PRG4: variants seen among roughly 807,000 people sequenced by gnomAD.
PRG4 encodes the protein articular superficial zone protein.
A neutral mutation model predicts 91.2 loss-of-function variants in PRG4; 61 were observed. That is an observed-to-expected ratio of 0.67 (90% CI 0.54 to 0.83). PRG4 has a LOEUF of 0.83. Among genes scored for constraint, PRG4 ranks in the 40% least tolerant of loss-of-function variants. The probability of loss-of-function intolerance (pLI) is 0.00; values close to 1 mark genes in which losing one functional copy is unlikely to be tolerated. For synonymous variants in PRG4, 576 were observed against 614.2 expected, an observed-to-expected ratio of 0.94 and a Z score of 0.92; for missense variants, 1,564 against 1,714.2, an observed-to-expected ratio of 0.91 and a Z score of 1.55.
At position 186,306,843 on chromosome 1, in the gene PRG4, C is replaced by T. The variant is rs1264632351; in HGVS notation, c.1124C>T (p.Pro375Leu). Residue 375 changes from proline to leucine, a missense_variant, in exon 7 of 13, where the codon CCC becomes CTC. By Grantham distance (98) the Pro-to-Leu change is moderately conservative. Transcript: ENST00000445192. ...ACACCTACCACCATCAAGTCTGCAC[C>T]CACCACCCCCAAGGAGCCTGCACCC... is the stretch of plus-strand genomic sequence containing the variant. Reference protein sequence around the residue: ...EPTPTTIKSAPTTPKEPAPTT... With the variant: ...EPTPTTIKSALTTPKEPAPTT... The T allele has an allele frequency of 1.2e-6, 2 of 1,612,106 alleles. No homozygotes were observed. Among genetic ancestry groups the T allele is most frequent in the East Asian group, 4.5e-5 (2 of 44,742 alleles).
chr1:186,306,771 C>G lies in PRG4; in HGVS notation c.1052C>G (p.Thr351Arg). The G allele has an allele frequency of 6.2e-7, 1 of 1,613,016 alleles. No individual in the cohort carries two copies. Among genetic ancestry groups the G allele is most frequent in the Non-Finnish European group, 8.5e-7 (1 of 1,179,496 alleles). The part of the protein sequence containing the change: ...GPALTTPKEP[T>R]PTTPKEPAST... ...GCTCTCACCACTCCCAAGGAGCCCA[C>G]GCCCACCACTCCCAAGGAGCCTGCA... The change falls in exon 7 of 13, where the codon ACG becomes AGG. Residue 351 changes from threonine (T) to arginine (R), a missense_variant. By Grantham distance (71) the Thr-to-Arg change is moderately conservative. This residue lies in a region of PRG4 where 437 missense variants were observed against 459.0 expected (regional missense o/e 0.95). Transcript: ENST00000445192.
At chr1:186,304,394 CTT>C in intron 5 of PRG4, 137 bp downstream of exon 5, 1 of 1,080,032 alleles carries the variant, frequency 9.3e-7, no homozygotes, top group South Asian at 1.4e-5. Flanking sequence ...AGGTTTTAGA[CTT>C]TGCTTTTAAG....
At chr1:186,300,695 G>A (rs1656156096) in intron 3 of PRG4, among the ~76,000 whole-genome samples, 1 of 152,106 alleles carries the variant, frequency 6.6e-6, no homozygotes, top group Non-Finnish European at 1.5e-5. Flanking sequence ...TAAATTACCT[G>A]GAAAAGACAC....
intron 4 of PRG4, among the ~76,000 whole-genome samples, chr1:186,303,357 G>A (rs76317001): frequency 0.14 from 21,281 of 151,708 alleles, 1,598 homozygotes; most frequent in Non-Finnish European, 0.16. Context: ...GTTCTGGGGC[G>A]ATGTTGCGGG....
Position 186,304,905 on chromosome 1 carries a change from T to G in PRG4, c.581T>G (p.Leu194Ter). Residue 194 changes from leucine (L) to a stop codon, truncating the protein, a stop_gained, in exon 6 of 13, where the codon TTA (leucine) becomes TGA (stop). Coordinates refer to ENST00000445192, the MANE Select transcript of PRG4 (RefSeq NM_005807.6). LOFTEE classifies it high-confidence loss of function. Reference protein sequence around the residue: ...SSKNSAANRELQKKLKVKDNK... With the variant: ...SSKNSAANRE ...AAAAATTCAGCTGCTAATAGAGAATTACAGAAGAAACTCAAAGGTTTGAGC... is the reference window on the plus strand; with the variant it reads ...AAAAATTCAGCTGCTAATAGAGAATGACAGAAGAAACTCAAAGGTTTGAGC... 6.2e-7 allele frequency: 1 copy of G among 1,613,300 alleles called. No homozygotes were observed. Among genetic ancestry groups the G allele is most frequent in the Non-Finnish European group, 8.5e-7 (1 of 1,179,500 alleles).
chr1:186,297,240 A>G (rs185797588), intron 2 of PRG4, among the ~76,000 whole-genome samples: 4 of 152,326 alleles, frequency 2.6e-5, no homozygotes, highest in Admixed American at 2.6e-4. Context: ...TCATAAAATT[A>G]TGCTGGAGCT....
In PRG4 at chr1:186,306,542, T is replaced by A. The variant is rs1272456343; in HGVS notation, c.823T>A (p.Ser275Thr). The change falls in exon 7 of 13, where the codon TCT becomes ACT. Residue 275 changes from serine to threonine, a missense_variant. This residue lies in a region of PRG4 where 437 missense variants were observed against 459.0 expected (regional missense o/e 0.95). Coordinates refer to ENST00000445192, the MANE Select transcript of PRG4 (RefSeq NM_005807.6). ...PPNSDTSKET[S>T]LTVNKETTVE... The stretch of plus-strand genomic sequence containing the variant: ...TAATTCTGATACATCTAAAGAGACG[T>A]CTTTGACAGTGAATAAAGAGACAAC... The A allele has an allele frequency of 6.2e-7, 1 of 1,613,180 alleles. No individual in the cohort carries two copies. Among genetic ancestry groups the A allele is most frequent in the Non-Finnish European group, 8.5e-7 (1 of 1,179,340 alleles).
chr1:186,302,298 CA>C (rs1656275718), intron 4 of PRG4, among the ~76,000 whole-genome samples: 1 of 152,146 alleles, frequency 6.6e-6, no homozygotes, highest in Non-Finnish European at 1.5e-5. Context: ...ATGGTAAAGT[CA>C]ATAACAAGGG....
At position 186,306,795 on chromosome 1, in the gene PRG4, C is replaced by A. The variant is rs1332460417; in HGVS notation, c.1076C>A (p.Ala359Glu). 6.2e-7 allele frequency: 1 copy of A among 1,612,664 alleles called. No individual in the cohort carries two copies. The highest frequency in any genetic ancestry group is 1.3e-5 in the African/African-American group (1 of 74,536). Residue 359 changes from alanine to glutamate, a missense_variant, in exon 7 of 13, where the codon GCA becomes GAA. Ala to Glu is a moderately radical substitution (Grantham distance 107). Transcript: ENST00000445192. ...ACGCCCACCACTCCCAAGGAGCCTG[C>A]ATCTACCACACCCAAAGAGCCCACA... ...EPTPTTPKEP[A>E]STTPKEPTPT... is the part of the protein sequence containing the mutation.
At chr1:186,312,071 G>A in intron 10 of PRG4, 104 bp from the exon 11 acceptor site, 1 of 902,966 alleles carries the variant, frequency 1.1e-6, no homozygotes, top group South Asian at 1.5e-5. Flanking sequence ...TATGAAAAAT[G>A]AGAACAAAAC....
intron 2 of PRG4, among the ~76,000 whole-genome samples, chr1:186,298,739 AGCCTCCCAAAGT>A (rs1656013540): frequency 6.6e-6 from 1 of 152,124 alleles, no homozygotes; most frequent in Non-Finnish European, 1.5e-5. Flanking sequence ...CGCCCGCCTC[AGCCTCCCAAAGT>A]GCTGGAATTA....
In PRG4 at chr1:186,314,452, A is replaced by G; in HGVS notation, c.*674A>G. On this transcript the variant is annotated 3_prime_UTR_variant, in exon 13 of 13. Coordinates refer to ENST00000445192, the MANE Select transcript of PRG4 (RefSeq NM_005807.6). ...CATATTTATTATATATCTAAGGTAT[A>G]CAAATCTGTCTACATGAAGTTTACA... is the stretch of plus-strand genomic sequence containing the variant. 2.2e-6 allele frequency: 1 copy of G among 458,092 alleles called. No individual in the cohort carries two copies. Among genetic ancestry groups the G allele is most frequent in the Non-Finnish European group, 3.9e-6 (1 of 259,426 alleles). 28.4% of individuals were successfully genotyped at this position (458,092 alleles called of 1,614,324 possible).
In PRG4 at chr1:186,308,035, G is replaced by A; in HGVS notation, c.2316G>A (p.Glu772=). 6.2e-7 allele frequency: 1 copy of A among 1,606,912 alleles called. No individual in the cohort carries two copies. The highest frequency in any genetic ancestry group is 1.7e-4 in the Middle Eastern group (1 of 6,024). ...AGCCTGCTCCAACTACCCCTAAGGA[G>A]CCTGCTCCAACTACCCCTAAGGGGA... ...PKEPAPTTPK[E]PAPTTPKGTA... Residue 772 remains glutamate, a synonymous_variant, in exon 7 of 13, where the codon GAG becomes GAA. Coordinates refer to ENST00000445192, the MANE Select transcript of PRG4 (RefSeq NM_005807.6).
chr1:186,300,735 T>C (rs1656159173), intron 3 of PRG4, among the ~76,000 whole-genome samples: 1 of 152,224 alleles, frequency 6.6e-6, no homozygotes, highest in Non-Finnish European at 1.5e-5. Context: ...TGTTTAATGA[T>C]GAATTTCAGT....
At chr1:186,312,559 G>A in intron 11 of PRG4, 187 bp downstream of exon 11, 1 of 798,322 alleles carries the variant, frequency 1.3e-6, no homozygotes. Flanking sequence ...TTCCTTGTGG[G>A]TAAGTAAAGC....
chr1:186,298,315 G>C (rs1450769654), intron 2 of PRG4, among the ~76,000 whole-genome samples: 1 of 152,094 alleles, frequency 6.6e-6, no homozygotes, highest in Non-Finnish European at 1.5e-5. Flanking sequence ...CCAGGAGGTG[G>C]AGGTTGCATT....
Position 186,306,612 on chromosome 1 carries a change from C to A in PRG4, c.893C>A (p.Thr298Asn), listed in dbSNP as rs61729246. Residue 298 changes from threonine (T) to asparagine (N), a missense_variant, in exon 7 of 13, where the codon ACT becomes AAT. Transcript: ENST00000445192. ...ETTTTNKQTS[T>N]DGKEKTTSAK... ...ACTACAACAAATAAACAGACTTCAA[C>A]TGATGGAAAAGAGAAGACTACTTCC... The A allele has an allele frequency of 2.7e-4, 435 of 1,613,474 alleles. No homozygotes were observed. Among genetic ancestry groups the A allele is most frequent in the Non-Finnish European group, 3.3e-4 (394 of 1,179,592 alleles).
chr1:186,306,764 G>A lies in PRG4; in HGVS notation c.1045G>A (p.Glu349Lys), dbSNP rs948980045. Reference sequence around the variant, plus strand: ...AGGCCCTGCTCTCACCACTCCCAAGGAGCCCACGCCCACCACTCCCAAGGA... The same window carrying A: ...AGGCCCTGCTCTCACCACTCCCAAGAAGCCCACGCCCACCACTCCCAAGGA... Reference protein sequence around the residue: ...TKGPALTTPKEPTPTTPKEPA... With the variant: ...TKGPALTTPKKPTPTTPKEPA... The change falls in exon 7 of 13, where the codon GAG becomes AAG. Residue 349 changes from glutamate to lysine, a missense_variant. This residue lies in a region of PRG4 where 437 missense variants were observed against 459.0 expected (regional missense o/e 0.95). Transcript: ENST00000445192. The A allele has an allele frequency of 1.9e-6, 3 of 1,613,280 alleles. No homozygotes were observed. The highest frequency in any genetic ancestry group is 2.5e-6 in the Non-Finnish European group (3 of 1,179,632).
At position 186,296,880 on chromosome 1, in the gene PRG4, C is replaced by A; in HGVS notation, c.5C>A (p.Ala2Glu). 1 of 1,613,598 alleles carries A rather than the reference C, an allele frequency of 6.2e-7. No individual in the cohort carries two copies. The highest frequency in any genetic ancestry group is 8.5e-7 in the Non-Finnish European group (1 of 1,179,600). Residue 2 changes from alanine to glutamate, a missense_variant, in exon 2 of 13, where the codon GCA becomes GAA. Physicochemically the swap from Ala to Glu is moderately radical, Grantham distance 107. Around this residue, in one of 3 missense-constraint regions of PRG4, gnomAD observed 437 missense variants for 459.0 expected, o/e 0.95. Transcript: ENST00000445192. MAWKTLPIYLLL... is the reference protein window; with the variant it reads MEWKTLPIYLLL... ...CTACGGTACCTGAAAACAACGATGGCATGGAAAACACTTCCCATTTACCTG... is the reference window on the plus strand; with the variant it reads ...CTACGGTACCTGAAAACAACGATGGAATGGAAAACACTTCCCATTTACCTG...
Sources: allele counts gnomAD v4.1 joint callset (sites outside exome capture counted in the v4.1 genomes callset), GRCh38; gene constraint gnomAD v4.1.1; regional missense constraint gnomAD v4.1.1; transcripts MANE v1.5; gene names NCBI Gene and HGNC (gene_info 2026-07-23, HGNC 2026-07-21).